Variants in RANBP2 observed in about 807,000 individuals in gnomAD.
The protein encoded by RANBP2 is E3 SUMO-protein ligase RanBP2.
A neutral mutation model predicts 303.6 loss-of-function variants in RANBP2; 57 were observed. The ratio of observed to expected loss-of-function variants is 0.19; its 90% CI spans 0.15 to 0.23. RANBP2 has a LOEUF of 0.23. Among genes scored for constraint, RANBP2 ranks in the 10% least tolerant of loss-of-function variants. RANBP2 has a pLI of 1.00. For synonymous variants in RANBP2, 1,167 were observed against 1,301.5 expected (o/e 0.90, Z 2.23); for missense variants, 3,138 against 3,780.8 (o/e 0.83, Z 4.46).
At chr2:109,280,449 G>A in the RANBP2 span, among the ~76,000 whole-genome samples, 5 of 152,182 alleles carry the variant, frequency 3.3e-5, no homozygotes, top group African/African-American at 1.2e-4. Context: ...CTCAGCAATA[G>A]GAAGGGGAGC....
chr2:108,908,342 C>T, the RANBP2 span, among the ~76,000 whole-genome samples: 3 of 152,286 alleles, frequency 2.0e-5, no homozygotes, highest in African/African-American at 4.8e-5. Flanking sequence ...ATGGATGCTC[C>T]GTGAAGGTTC....
At chr2:109,243,400 G>A in the RANBP2 span, among the ~76,000 whole-genome samples, 1 of 152,250 alleles carries the variant, frequency 6.6e-6, no homozygotes, top group Non-Finnish European at 1.5e-5. Flanking sequence ...TGGAGTGCCT[G>A]TCCTTTCTTC....
At chr2:109,564,383 T>C in the RANBP2 span, 181 of 1,568,056 alleles carry the variant, frequency 1.2e-4, 4 homozygotes, top group East Asian at 2.4e-3. Flanking sequence ...GCTTGTTTTC[T>C]GGGCCCACAT....
chr2:109,592,183 G>A, the RANBP2 span, among the ~76,000 whole-genome samples: 3 of 152,000 alleles, frequency 2.0e-5, no homozygotes, highest in African/African-American at 4.8e-5. Context: ...AACAAATAAC[G>A]GCCGGGCGTG....
chr2:108,931,154 T>A, the RANBP2 span: 1 of 798,714 alleles, frequency 1.3e-6, no homozygotes, highest in African/African-American at 1.7e-5. Context: ...AAACTATACA[T>A]CCTAAAAGAA....
chr2:109,689,714 T>C, the RANBP2 span, among the ~76,000 whole-genome samples: 43 of 152,260 alleles, frequency 2.8e-4, no homozygotes, highest in African/African-American at 9.4e-4. Context: ...TCCCCCCTCA[T>C]CTCTGCTCAA....
At chr2:108,960,788 C>T in the RANBP2 span, among the ~76,000 whole-genome samples, 1 of 152,028 alleles carries the variant, frequency 6.6e-6, no homozygotes, top group Non-Finnish European at 1.5e-5. Flanking sequence ...GGAGTCATAT[C>T]GTATATTGAG....
At chr2:109,468,344 C>T in the RANBP2 span, among the ~76,000 whole-genome samples, 1 of 152,292 alleles carries the variant, frequency 6.6e-6, no homozygotes, top group Non-Finnish European at 1.5e-5. Context: ...ATGCGTTGCA[C>T]TGTGATGTTA....
At chr2:109,562,941 C>T in the RANBP2 span, among the ~76,000 whole-genome samples, 45 of 151,106 alleles carry the variant, frequency 3.0e-4, no homozygotes, top group South Asian at 1.7e-3. Context: ...GATGGAGTCT[C>T]GCTCTGTTGC....
chr2:109,148,336 G>C, the RANBP2 span, among the ~76,000 whole-genome samples: 1 of 152,246 alleles, frequency 6.6e-6, no homozygotes, highest in African/African-American at 2.4e-5. Context: ...CCAGGCCAGA[G>C]CGCCATCCGT....
chr2:109,201,451 C>G, the RANBP2 span, among the ~76,000 whole-genome samples: 1 of 152,166 alleles, frequency 6.6e-6, no homozygotes, highest in Non-Finnish European at 1.5e-5. Context: ...CCGCCACAGG[C>G]CAGCAGTCCC....
At chr2:109,560,014 A>G in the RANBP2 span, among the ~76,000 whole-genome samples, 6,721 of 144,714 alleles carry the variant, frequency 0.046, 456 homozygotes, top group African/African-American at 0.16. Context: ...TCTGCCTCCT[A>G]GGTTCACGCC....
At chr2:109,479,798 C>T in the RANBP2 span, among the ~76,000 whole-genome samples, 4 of 152,198 alleles carry the variant, frequency 2.6e-5, no homozygotes, top group East Asian at 5.8e-4. Context: ...CTACGGGTTT[C>T]GCAGACCCCC....
chr2:109,739,907 T>G, the RANBP2 span, among the ~76,000 whole-genome samples: 1 of 129,558 alleles, frequency 7.7e-6, no homozygotes, highest in Non-Finnish European at 1.6e-5. Context: ...TATACCCAGT[T>G]TTTTTTTTTT....
chr2:109,666,760 T>C, the RANBP2 span, among the ~76,000 whole-genome samples: 1 of 152,192 alleles, frequency 6.6e-6, no homozygotes, highest in Non-Finnish European at 1.5e-5. Flanking sequence ...ATTATTATAC[T>C]CATTAGGCTG....
At chr2:109,629,032 G>A in the RANBP2 span, among the ~76,000 whole-genome samples, 1 of 151,368 alleles carries the variant, frequency 6.6e-6, no homozygotes, top group Non-Finnish European at 1.5e-5. Flanking sequence ...GTAAAACCTC[G>A]TCTCTACTAA....
At chr2:109,604,711 G>A in the RANBP2 span, 3 of 143,772 alleles carry the variant, frequency 2.1e-5, no homozygotes, top group Non-Finnish European at 4.6e-5. Context: ...GACAGAACGA[G>A]ACTCTGGGGA....
chr2:109,337,457 T>C, the RANBP2 span, among the ~76,000 whole-genome samples: 1 of 152,200 alleles, frequency 6.6e-6, no homozygotes, highest in Non-Finnish European at 1.5e-5. Flanking sequence ...TATGGCGAAA[T>C]GTTTTCCTCA....
At chr2:109,440,312 C>T in the RANBP2 span, among the ~76,000 whole-genome samples, 1 of 152,182 alleles carries the variant, frequency 6.6e-6, no homozygotes, top group Non-Finnish European at 1.5e-5. Flanking sequence ...TCTTGGGCCG[C>T]CGAGGCCAGG....
Sources: gnomAD v4.1 joint callset for allele counts (sites outside exome capture counted in the v4.1 genomes callset) on GRCh38, gnomAD v4.1.1 for gene constraint, MANE v1.5 for transcripts, NCBI Gene and HGNC (gene_info 2026-07-23, HGNC 2026-07-21) for gene names.